Variants in CACNA2D2 observed in about 807,000 individuals in gnomAD.
The protein encoded by CACNA2D2 is calcium voltage-gated channel auxiliary subunit alpha2delta 2.
A neutral mutation model predicts 166.4 loss-of-function variants in CACNA2D2; 48 were observed. The observed-to-expected ratio is 0.29, with a 90% CI of 0.23 to 0.37. The LOEUF (loss-of-function observed/expected upper bound fraction) is 0.37. Among genes scored for constraint, CACNA2D2 ranks in the 10% least tolerant of loss-of-function variants. CACNA2D2 has a pLI of 1.00. For synonymous variants in CACNA2D2, 561 were observed against 573.7 expected (o/e 0.98, Z 0.32); for missense variants, 1,122 against 1,433.0 (o/e 0.78, Z 3.50).
At chr3:50,397,811 C>T (rs945513287) in intron 3 of CACNA2D2, among the ~76,000 whole-genome samples, 8 of 152,220 alleles carry the variant, frequency 5.3e-5, no homozygotes, top group African/African-American at 1.7e-4. Flanking sequence ...TTGCCTTTAA[C>T]CAGCCCTCTG....
At chr3:50,438,948 A>T (rs1708469792) in intron 2 of CACNA2D2, among the ~76,000 whole-genome samples, 1 of 152,172 alleles carries the variant, frequency 6.6e-6, no homozygotes, top group African/African-American at 2.4e-5. Context: ...GTTTACATAG[A>T]TGACATCACT....
At chr3:50,368,815 T>A (rs756209704) in intron 23 of CACNA2D2, among the ~76,000 whole-genome samples, 74 of 152,146 alleles carry the variant, frequency 4.9e-4, no homozygotes, top group Non-Finnish European at 8.8e-4. Flanking sequence ...CTCAAGACCC[T>A]CACTGCATTC....
At chr3:50,486,608 G>A (rs1575767594) in intron 1 of CACNA2D2, among the ~76,000 whole-genome samples, 1 of 152,206 alleles carries the variant, frequency 6.6e-6, no homozygotes, top group Non-Finnish European at 1.5e-5. Context: ...AACCCATCAG[G>A]GCCAGCTTTG....
chr3:50,382,088 G>T (rs1285730132), intron 6 of CACNA2D2, among the ~76,000 whole-genome samples: 3 of 151,954 alleles, frequency 2.0e-5, no homozygotes, highest in South Asian at 4.1e-4. Context: ...AGAGATCCAG[G>T]ATGGTTTGAG....
rs1440024132 is a variant in CACNA2D2 at position 50,380,970 on chromosome 3, A to C, written c.784+25T>G. On this transcript the variant is annotated intron_variant, in intron 7 of 37. Transcript: ENST00000424201. The surrounding 1 kb of genome is among the most constrained non-coding windows in gnomAD (Gnocchi z 4.9). Reference sequence around the variant, plus strand: ...TGGAGAAAGGCGAGGTGCTGGGTAGACAGGGGACAGGGGCTGGTACCTACC... The same window carrying C: ...TGGAGAAAGGCGAGGTGCTGGGTAGCCAGGGGACAGGGGCTGGTACCTACC... 1 of 1,612,926 alleles carries C rather than the reference A, an allele frequency of 6.2e-7. No homozygotes were observed. Among genetic ancestry groups the C allele is most frequent in the Middle Eastern group, 1.7e-4 (1 of 6,042 alleles).
chr3:50,374,549 G>A (rs974179957), intron 22 of CACNA2D2, among the ~76,000 whole-genome samples, 188 bp downstream of exon 22: 2 of 152,090 alleles, frequency 1.3e-5, no homozygotes, highest in African/African-American at 2.4e-5. Context: ...AACCGAATCT[G>A]AGAAAAGGCA....
In CACNA2D2 at chr3:50,365,209, G is replaced by T; in HGVS notation, c.3099-25C>A. The T allele has an allele frequency of 6.2e-7, 1 of 1,610,082 alleles. No individual in the cohort carries two copies. The highest frequency in any genetic ancestry group is 8.5e-7 in the Non-Finnish European group (1 of 1,178,438). On this transcript the variant is annotated intron_variant, in intron 35 of 37. Coordinates refer to ENST00000424201, the MANE Select transcript of CACNA2D2 (RefSeq NM_006030.4). The surrounding 1 kb of genome is among the most constrained non-coding windows in gnomAD (Gnocchi z 4.5). ...CCTGCGGGCAGCCCGGAAAGGCGGG[G>T]CGTTGAGTTTGCCCCGCCCTGACCC...
At chr3:50,437,901 C>T (rs1326699548) in intron 2 of CACNA2D2, among the ~76,000 whole-genome samples, 1 of 152,178 alleles carries the variant, frequency 6.6e-6, no homozygotes, top group Non-Finnish European at 1.5e-5. Flanking sequence ...TGTCCTTGGC[C>T]CAGAGAGTTA....
At chr3:50,461,364 G>A (rs112587134) in intron 2 of CACNA2D2, among the ~76,000 whole-genome samples, 261 of 152,312 alleles carry the variant, frequency 1.7e-3, no homozygotes, top group Non-Finnish European at 2.8e-3. Flanking sequence ...TCTGTTGAGC[G>A]TTGGGGAGAA....
chr3:50,400,530 ACCTTCTGAGGGCATGTCTTGCC>A, intron 3 of CACNA2D2, among the ~76,000 whole-genome samples: 1 of 152,240 alleles, frequency 6.6e-6, no homozygotes, highest in Middle Eastern at 3.4e-3. Context: ...ACTCACTACA[ACCTTCTGAGGGCATGTCTTGCC>A]CCGACCCCAC....
intron 1 of CACNA2D2, among the ~76,000 whole-genome samples, chr3:50,484,474 C>T (rs891787867): frequency 6.6e-6 from 1 of 152,184 alleles, no homozygotes; most frequent in Non-Finnish European, 1.5e-5. Flanking sequence ...CAGTAGCTTC[C>T]CTGACCTCAC....
Position 50,363,558 on chromosome 3 carries a change from T to C in CACNA2D2, c.*1108A>G, listed in dbSNP as rs900277769. 1.9e-4 allele frequency: 59 copies of C among 317,504 alleles called. No individual in the cohort carries two copies. In the Admixed American group the frequency reaches 2.9e-3, roughly 16 times the overall value. The allele number at this position is 317,504 out of a possible 1,614,324, so 19.7% of individuals were successfully genotyped here. A position where few individuals can be genotyped will look rare whatever the true frequency, so the allele number is the denominator to read the frequency against. Reference sequence around the variant, plus strand: ...TGTGTGTGTAGGGGTGGGAAGGAGATAGGGAGTGGGCACAGGCCTGAGTGT... The same window carrying C: ...TGTGTGTGTAGGGGTGGGAAGGAGACAGGGAGTGGGCACAGGCCTGAGTGT... On this transcript the variant is annotated 3_prime_UTR_variant, in exon 38 of 38. Transcript: ENST00000424201.
intron 3 of CACNA2D2, among the ~76,000 whole-genome samples, chr3:50,396,054 G>A (rs1405781340): frequency 6.6e-6 from 1 of 152,064 alleles, no homozygotes; most frequent in Non-Finnish European, 1.5e-5. Context: ...CCCCAGCCCA[G>A]CCTCACACTC....
intron 2 of CACNA2D2, among the ~76,000 whole-genome samples, chr3:50,452,673 G>A (rs539588709): frequency 2.6e-5 from 4 of 152,300 alleles, no homozygotes; most frequent in African/African-American, 7.2e-5. Flanking sequence ...ACAAATTTAC[G>A]GTGAAATGTG....
chr3:50,492,914 C>CT (rs1393915495), intron 1 of CACNA2D2, among the ~76,000 whole-genome samples: 1 of 152,160 alleles, frequency 6.6e-6, no homozygotes, highest in Non-Finnish European at 1.5e-5. Context: ...GCCCCTGCCA[C>CT]TTGCCATCTG....
At chr3:50,397,554 G>A (rs1055839818) in intron 3 of CACNA2D2, among the ~76,000 whole-genome samples, 4 of 152,138 alleles carry the variant, frequency 2.6e-5, no homozygotes, top group Non-Finnish European at 5.9e-5. Flanking sequence ...TGACTTTCTT[G>A]GAGCAGGGTC....
chr3:50,449,239 C>T (rs1196400593), intron 2 of CACNA2D2, among the ~76,000 whole-genome samples: 1 of 152,202 alleles, frequency 6.6e-6, no homozygotes, highest in Non-Finnish European at 1.5e-5. Context: ...AGCCCCCCAC[C>T]CCTGTGATCC....
intron 3 of CACNA2D2, among the ~76,000 whole-genome samples, chr3:50,405,978 G>GGGCTTC (rs1559917257): frequency 1.3e-5 from 2 of 151,926 alleles, no homozygotes; most frequent in East Asian, 4.1e-4. Flanking sequence ...GCGATCATGA[G>GGGCTTC]AACTCTCCAA....
rs1416389522 is a variant in CACNA2D2 at position 50,376,438 on chromosome 3, CTCTCCCCCTGGT to C, written c.1627-262_1627-251del. ...GGGCTGCTGCTCTGCAGTCCTCATC[CTCTCCCCCTGGT>C]TCTCATGAGCTGTCAGTTGTCCTGA... On this transcript the variant is annotated intron_variant, in intron 17 of 37. Transcript: ENST00000424201. The surrounding 1 kb of genome is among the most constrained non-coding windows in gnomAD (Gnocchi z 4.3). Among the ~76,000 whole-genome samples the C allele has an allele frequency of 6.6e-6, 1 of 152,194 alleles. No individual in the cohort carries two copies. Among genetic ancestry groups the C allele is most frequent in the Non-Finnish European group, 1.5e-5 (1 of 68,026 alleles).
Sources: allele counts gnomAD v4.1 joint callset (sites outside exome capture counted in the v4.1 genomes callset), GRCh38; gene constraint gnomAD v4.1.1; non-coding constraint Gnocchi (gnomAD v3.1); transcripts MANE v1.5; gene names NCBI Gene and HGNC (gene_info 2026-07-23, HGNC 2026-07-21).